Variants in SLC4A7 observed in about 807,000 individuals in gnomAD.
SLC4A7 encodes the protein solute carrier family 4 member 7.
A neutral mutation model predicts 137.6 loss-of-function variants in SLC4A7; 51 were observed. That is an observed-to-expected ratio of 0.37 (90% CI 0.30 to 0.47). The LOEUF is 0.47. SLC4A7 is among the 20% of genes least tolerant of loss of function. SLC4A7 has a pLI of 1.00. For missense variants in SLC4A7, 1,247 were observed against 1,525.4 expected, an observed-to-expected ratio of 0.82 and a Z score of 3.04; for synonymous variants, 542 against 518.6, an observed-to-expected ratio of 1.05 and a Z score of -0.61.
intron 1 of SLC4A7, chr3:27,462,546 G>A (rs1425314376): frequency 6.6e-6 from 1 of 152,630 alleles, no homozygotes; most frequent in Non-Finnish European, 1.5e-5. Context: ...ATTATGCTAA[G>A]CAGTCGCAAT....
chr3:27,432,852 G>C (rs530075066), intron 6 of SLC4A7, among the ~76,000 whole-genome samples: 1 of 152,134 alleles, frequency 6.6e-6, no homozygotes, highest in Non-Finnish European at 1.5e-5. Context: ...TTCACCAAAG[G>C]AGAGAATATA....
At chr3:27,393,665 T>A (rs183812333) in intron 20 of SLC4A7, among the ~76,000 whole-genome samples, 25 of 152,326 alleles carry the variant, frequency 1.6e-4, no homozygotes, top group African/African-American at 5.8e-4. Context: ...CACTGCTTAG[T>A]CCCCAGCAAA....
intron 11 of SLC4A7, 49 bp from the exon 12 acceptor site, chr3:27,411,797 T>C (rs2053926927): frequency 4.2e-6 from 4 of 951,864 alleles, no homozygotes; most frequent in Non-Finnish European, 4.5e-6. Context: ...TTAAGAAAAC[T>C]TGAGATGGCA....
chr3:27,382,577 A>C (rs1174308204), intron 24 of SLC4A7, among the ~76,000 whole-genome samples: 11 of 152,214 alleles, frequency 7.2e-5, no homozygotes, highest in Admixed American at 7.2e-4. Context: ...CATCAAAATC[A>C]CGAATAATGA....
At chr3:27,395,290 A>G (rs183027478) in intron 18 of SLC4A7, among the ~76,000 whole-genome samples, 175 bp from the exon 19 acceptor site, 30 of 152,276 alleles carry the variant, frequency 2.0e-4, no homozygotes, top group African/African-American at 5.8e-4. Flanking sequence ...TCCTATCCCT[A>G]TAACTATACC....
At chr3:27,477,941 C>A (rs2059533331) in intron 1 of SLC4A7, among the ~76,000 whole-genome samples, 1 of 152,254 alleles carries the variant, frequency 6.6e-6, no homozygotes, top group South Asian at 2.1e-4. Flanking sequence ...AACCATTCCA[C>A]ACTCCTTTCT....
Position 27,431,401 on chromosome 3 carries a change from A to G in SLC4A7, c.1047T>C (p.Ser349=). 2.5e-6 allele frequency: 4 copies of G among 1,614,088 alleles called. No individual in the cohort carries two copies. The highest frequency in any genetic ancestry group is 3.4e-6 in the Non-Finnish European group (4 of 1,179,960). Residue 349 remains serine, a synonymous_variant, in exon 7 of 26, where the codon AGT becomes AGC. Transcript: ENST00000454389. ...GAATTACTACTGTGGGAATATCATC[A>G]CTGGCAGGTGAAACCAGTAGTTCTG... The part of the protein sequence containing the change: ...QAPELLVSPA[S]DDIPTVVIHP...
chr3:27,411,757 C>A lies in SLC4A7; in HGVS notation c.1660-9G>T. On this transcript the variant is annotated splice_polypyrimidine_tract_variant and intron_variant, in intron 11 of 25. Transcript: ENST00000454389. ...GGAATCTTTCTCTTTTCCTGAATTTCACAAAAAACATTATTTTCAGAATTC... is the reference window on the plus strand; with the variant it reads ...GGAATCTTTCTCTTTTCCTGAATTTAACAAAAAACATTATTTTCAGAATTC... The A allele has an allele frequency of 1.4e-6, 2 of 1,438,662 alleles. No individual in the cohort carries two copies. Among genetic ancestry groups the A allele is most frequent in the Non-Finnish European group, 1.9e-6 (2 of 1,064,182 alleles). The allele number at this position is 1,438,662 out of a possible 1,614,324, so 89.1% of individuals were successfully genotyped here.
At position 27,385,931 on chromosome 3, in the gene SLC4A7, C is replaced by T. The variant is rs1197909313; in HGVS notation, c.3453G>A (p.Lys1151=). The change falls in exon 23 of 26, where the codon AAG becomes AAA. Residue 1151 remains lysine (K), a synonymous_variant. Coordinates refer to ENST00000454389, the MANE Select transcript of SLC4A7 (RefSeq NM_001321103.2). ...TCTTTTTGTCATCTTCTTTCTTTTT[C>T]TTACTTTCTGGCATAAGATCATCAA... ...SWLDDLMPES[K]KKKEDDKKKK... 5 of 1,584,950 alleles carry T rather than the reference C, an allele frequency of 3.2e-6. No individual in the cohort carries two copies. Among genetic ancestry groups the T allele is most frequent in the Middle Eastern group, 1.7e-4 (1 of 6,008 alleles).
chr3:27,375,297 A>G lies in SLC4A7; in HGVS notation c.*1467T>C, dbSNP rs2049827691. On this transcript the variant is annotated 3_prime_UTR_variant, in exon 26 of 26. Coordinates refer to ENST00000454389, the MANE Select transcript of SLC4A7 (RefSeq NM_001321103.2). ...TTTTCATCCTAATAGTGATGTCACC[A>G]TTTTTGATATTTCTGTGGCTTCTCA... is the stretch of plus-strand genomic sequence containing the variant. 1 of 152,010 alleles carries G rather than the reference A, an allele frequency of 6.6e-6. No homozygotes were observed. Among genetic ancestry groups the G allele is most frequent in the Admixed American group, 6.6e-5 (1 of 15,264 alleles). The allele number at this position is 152,010 out of a possible 1,614,324, so 9.4% of individuals were successfully genotyped here. A position where few individuals can be genotyped will look rare whatever the true frequency, so the allele number is the denominator to read the frequency against.
chr3:27,408,981 C>A (rs1328828255), intron 13 of SLC4A7, among the ~76,000 whole-genome samples: 2 of 152,070 alleles, frequency 1.3e-5, no homozygotes, highest in African/African-American at 2.4e-5. Flanking sequence ...CCTATGATAC[C>A]TTACAGGATA....
At chr3:27,429,521 G>A (rs2056045251) in intron 7 of SLC4A7, among the ~76,000 whole-genome samples, 1 of 152,016 alleles carries the variant, frequency 6.6e-6, no homozygotes, top group Admixed American at 6.6e-5. Context: ...AAGGCAAAAT[G>A]AGAAAAAGAA....
chr3:27,453,385 T>G (rs2058207353), intron 1 of SLC4A7, among the ~76,000 whole-genome samples: 1 of 152,156 alleles, frequency 6.6e-6, no homozygotes, highest in African/African-American at 2.4e-5. Flanking sequence ...GAGGCCAAGG[T>G]GGGCAGATCA....
chr3:27,409,216 TG>T, intron 13 of SLC4A7, 139 bp downstream of exon 13: 1 of 595,594 alleles, frequency 1.7e-6, no homozygotes, highest in Non-Finnish European at 2.8e-6. Flanking sequence ...CAATTACCTT[TG>T]GGGAAAGTCT....
chr3:27,442,304 C>T (rs868841565), intron 3 of SLC4A7, among the ~76,000 whole-genome samples: 3 of 152,222 alleles, frequency 2.0e-5, no homozygotes, highest in Non-Finnish European at 2.9e-5. Context: ...TTTAGAGAAA[C>T]ATGATCTTTG....
chr3:27,482,175 TGTTGGCCACTACA>T (rs2059739696), intron 1 of SLC4A7, among the ~76,000 whole-genome samples: 1 of 152,144 alleles, frequency 6.6e-6, no homozygotes, highest in African/African-American at 2.4e-5. Flanking sequence ...GGTTCTGCCT[TGTTGGCCACTACA>T]GTAAATAGTG....
At chr3:27,410,590 T>C (rs920105167) in intron 12 of SLC4A7, among the ~76,000 whole-genome samples, 2 of 152,176 alleles carry the variant, frequency 1.3e-5, no homozygotes, top group Admixed American at 6.5e-5. Context: ...CCATCAATAA[T>C]CTAAAATATG....
At chr3:27,479,839 A>C (rs2059635580) in intron 1 of SLC4A7, among the ~76,000 whole-genome samples, 1 of 152,220 alleles carries the variant, frequency 6.6e-6, no homozygotes, top group Non-Finnish European at 1.5e-5. Context: ...TCTGTAACTA[A>C]TCTTTAACAT....
chr3:27,384,467 G>A (rs2050737089), intron 23 of SLC4A7, among the ~76,000 whole-genome samples: 1 of 152,096 alleles, frequency 6.6e-6, no homozygotes, highest in African/African-American at 2.4e-5. Context: ...TGATAACTTT[G>A]TGGGGCTTAA....
Sources: allele counts gnomAD v4.1 joint callset (sites outside exome capture counted in the v4.1 genomes callset), GRCh38; gene constraint gnomAD v4.1.1; transcripts MANE v1.5; gene names NCBI Gene and HGNC (gene_info 2026-07-23, HGNC 2026-07-21).